Variants in FUCA2 observed in about 807,000 individuals in gnomAD.
FUCA2 encodes the protein plasma alpha-L-fucosidase.
In FUCA2, 41 loss-of-function variants were observed where a neutral mutation model predicts 52.6. The ratio of observed to expected loss-of-function variants is 0.78; its 90% confidence interval spans 0.61 to 1.01. The LOEUF is 1.01. Ranked by LOEUF, FUCA2 falls within the 50% of genes least tolerant of loss-of-function variation. The pLI, the probability that FUCA2 is intolerant of heterozygous loss-of-function variation, is 0.00. For missense variants in FUCA2, 507 were observed against 569.5 expected (o/e 0.89, Z 1.12); for synonymous variants, 211 against 217.3 (o/e 0.97, Z 0.26).
At position 143,502,583 on chromosome 6, in the gene FUCA2, AT is replaced by A; in HGVS notation, c.753-19del. 1.3e-6 allele frequency: 2 copies of A among 1,595,276 alleles called. No individual in the cohort carries two copies. Among genetic ancestry groups the A allele is most frequent in the Non-Finnish European group, 8.5e-7 (1 of 1,171,472 alleles). ...GAACTGGGCTGAAATGAAACATACA[AT>A]TTTTTAAAACAAAAGGTATAAGCTT... On this transcript the variant is annotated intron_variant, in intron 3 of 6. Coordinates refer to ENST00000002165, the MANE Select transcript of FUCA2 (RefSeq NM_032020.5). The surrounding 1 kb of genome is among the most constrained non-coding windows in gnomAD (Gnocchi z 4.1).
Position 143,511,436 on chromosome 6 carries a change from G to C in FUCA2, c.199C>G (p.Pro67Ala), listed in dbSNP as rs1562667775. The change falls in exon 1 of 7, where the codon CCC becomes GCC. Residue 67 changes from proline (P) to alanine (A), a missense_variant. Pro to Ala is a conservative substitution (Grantham distance 27). Coordinates refer to ENST00000002165, the MANE Select transcript of FUCA2 (RefSeq NM_032020.5). The surrounding 1 kb of genome is among the most constrained non-coding windows in gnomAD (Gnocchi z 6.3). ...IFIHWGVFSV[P>A]SFGSEWFWWY... ...CAGAACCACTCGCTACCGAAGCTGGGCACGGAAAACACTCCCCAGTGGATG... is the reference window on the plus strand; with the variant it reads ...CAGAACCACTCGCTACCGAAGCTGGCCACGGAAAACACTCCCCAGTGGATG... 4 of 1,611,714 alleles carry C rather than the reference G, an allele frequency of 2.5e-6. No individual in the cohort carries two copies. The highest frequency in any genetic ancestry group is 3.4e-6 in the Non-Finnish European group (4 of 1,178,898).
In FUCA2 at chr6:143,503,783, T is replaced by C. The variant is rs1780562285; in HGVS notation, c.752+130A>G. 2 of 670,990 alleles carry C rather than the reference T, an allele frequency of 3.0e-6. No individual in the cohort carries two copies. Among genetic ancestry groups the C allele is most frequent in the African/African-American group, 1.8e-5 (1 of 55,248 alleles). 41.6% of individuals were successfully genotyped at this position (670,990 alleles called of 1,614,324 possible). ...TAGTGATATATCTAATAAGTATTATTTACAATGATTTTCTCCCCCCATACC... is the reference window on the plus strand; with the variant it reads ...TAGTGATATATCTAATAAGTATTATCTACAATGATTTTCTCCCCCCATACC... On this transcript the variant is annotated intron_variant, in intron 3 of 6. Transcript: ENST00000002165. This position sits in a 1 kb window ranked among gnomAD's most constrained non-coding sequence, Gnocchi z 4.8.
In FUCA2 at chr6:143,497,650, T is replaced by TA. The variant is rs1403737434; in HGVS notation, c.1155-154dup. 2.0e-5 allele frequency among the ~76,000 whole-genome samples: 3 copies of TA among 152,080 alleles called. No homozygotes were observed. The highest frequency in any genetic ancestry group is 7.2e-5 in the African/African-American group (3 of 41,412). On this transcript the variant is annotated intron_variant, in intron 5 of 6. Transcript: ENST00000002165. This position sits in a 1 kb window ranked among gnomAD's most constrained non-coding sequence, Gnocchi z 5.3. Reference sequence around the variant, plus strand: ...AAGGAAAAATAGCCTCATGGTGGTATAAAAAAACACCTTCCTCCCCCAAGA... The same window carrying TA: ...AAGGAAAAATAGCCTCATGGTGGTATAAAAAAAACACCTTCCTCCCCCAAGA...
rs376770369 is a variant in FUCA2 at position 143,502,812 on chromosome 6, T to C, written c.753-247A>G. The C allele has an allele frequency of 9.3e-4, 389 of 418,646 alleles. 1 individual carries two copies. Among genetic ancestry groups the C allele is most frequent in the African/African-American group, 6.8e-3 (346 of 50,562 alleles). 25.9% of individuals were successfully genotyped at this position (418,646 alleles called of 1,614,324 possible). On this transcript the variant is annotated intron_variant, in intron 3 of 6. Transcript: ENST00000002165. The surrounding 1 kb of genome is among the most constrained non-coding windows in gnomAD (Gnocchi z 4.1). ...TCTGAATAATGAATTTCCTCATCTATGATTAGAACAAAAATAAGTTATGTA... is the reference window on the plus strand; with the variant it reads ...TCTGAATAATGAATTTCCTCATCTACGATTAGAACAAAAATAAGTTATGTA...
At position 143,503,797 on chromosome 6, in the gene FUCA2, T is replaced by TC. The variant is rs1013828555; in HGVS notation, c.752+115dup. On this transcript the variant is annotated intron_variant, in intron 3 of 6. Transcript: ENST00000002165. This position sits in a 1 kb window ranked among gnomAD's most constrained non-coding sequence, Gnocchi z 4.8. ...ATAAGTATTATTTACAATGATTTTC[T>TC]CCCCCCATACCACCAATGACTTAAA... 6.2e-5 allele frequency: 45 copies of TC among 731,576 alleles called. No individual in the cohort carries two copies. The highest frequency in any genetic ancestry group is 7.1e-5 in the Non-Finnish European group (32 of 453,456). 45.3% of individuals were successfully genotyped at this position (731,576 alleles called of 1,614,324 possible). A position where few individuals can be genotyped will look rare whatever the true frequency, so the allele number is the denominator to read the frequency against.
In FUCA2 at chr6:143,497,454, G is replaced by C. The variant is rs758965632; in HGVS notation, c.1198C>G (p.Leu400Val). ...PKEKLVYAIF[L>V]KWPTSGQLFL... ...AGCTGTCCTGATGTGGGCCATTTAAGAAAAATGGCATAGACTAATTTTTCT... is the reference window on the plus strand; with the variant it reads ...AGCTGTCCTGATGTGGGCCATTTAACAAAAATGGCATAGACTAATTTTTCT... Residue 400 changes from leucine (L) to valine (V), a missense_variant, in exon 6 of 7, where the codon CTT becomes GTT. By Grantham distance (32) the Leu-to-Val change is conservative. Transcript: ENST00000002165. The surrounding 1 kb of genome is among the most constrained non-coding windows in gnomAD (Gnocchi z 5.3). 5.0e-6 allele frequency: 8 copies of C among 1,613,576 alleles called. No homozygotes were observed. The African/African-American group carries it at 1.1e-4, about 22-fold the overall frequency.
At position 143,497,602 on chromosome 6, in the gene FUCA2, C is replaced by A; in HGVS notation, c.1155-105G>T. On this transcript the variant is annotated intron_variant, in intron 5 of 6. Coordinates refer to ENST00000002165, the MANE Select transcript of FUCA2 (RefSeq NM_032020.5). The surrounding 1 kb of genome is among the most constrained non-coding windows in gnomAD (Gnocchi z 5.3). ...TGGAATTATTTTACAGATACTTCCACAATGTCACCACTAATAGAAGGGAAG... is the reference window on the plus strand; with the variant it reads ...TGGAATTATTTTACAGATACTTCCAAAATGTCACCACTAATAGAAGGGAAG... The A allele has an allele frequency of 1.6e-6, 1 of 619,184 alleles. No individual in the cohort carries two copies. Among genetic ancestry groups the A allele is most frequent in the Non-Finnish European group, 2.8e-6 (1 of 356,558 alleles). The allele number at this position is 619,184 out of a possible 1,614,324, so 38.4% of individuals were successfully genotyped here.
Position 143,507,462 on chromosome 6 carries a change from T to C in FUCA2, c.225-38A>G. The C allele has an allele frequency of 7.0e-7, 1 of 1,419,144 alleles. No homozygotes were observed. The highest frequency in any genetic ancestry group is 9.5e-7 in the Non-Finnish European group (1 of 1,053,740). 87.9% of individuals were successfully genotyped at this position (1,419,144 alleles called of 1,614,324 possible). On this transcript the variant is annotated intron_variant, in intron 1 of 6. Transcript: ENST00000002165. This position sits in a 1 kb window ranked among gnomAD's most constrained non-coding sequence, Gnocchi z 4.5. ...AAGGAAAGAGTGCATAAACAGCACA[T>C]ACACACATATTTAAAAGAACTGCTC...
rs1412140445 is a variant in FUCA2, at chr6:143,502,698, T to A, written c.753-133A>T. On this transcript the variant is annotated intron_variant, in intron 3 of 6. Coordinates refer to ENST00000002165, the MANE Select transcript of FUCA2 (RefSeq NM_032020.5). The surrounding 1 kb of genome is among the most constrained non-coding windows in gnomAD (Gnocchi z 4.1). ...ATGGCATAGTACAGTGGAAAGCCCA[T>A]GGTTTTGAAGTCAAACAGACCTGAG... 5.2e-6 allele frequency: 4 copies of A among 774,192 alleles called. No homozygotes were observed. Among genetic ancestry groups the A allele is most frequent in the Non-Finnish European group, 8.0e-6 (4 of 500,018 alleles). 48.0% of individuals were successfully genotyped at this position (774,192 alleles called of 1,614,324 possible). A position where few individuals can be genotyped will look rare whatever the true frequency, so the allele number is the denominator to read the frequency against.
At position 143,503,441 on chromosome 6, in the gene FUCA2, T is replaced by C. The variant is rs1321527043; in HGVS notation, c.752+472A>G. 6.4e-6 allele frequency: 1 copy of C among 156,718 alleles called. No homozygotes were observed. Among genetic ancestry groups the C allele is most frequent in the Non-Finnish European group, 1.4e-5 (1 of 71,222 alleles). The allele number at this position is 156,718 out of a possible 1,614,324, so 9.7% of individuals were successfully genotyped here. On this transcript the variant is annotated intron_variant, in intron 3 of 6. Transcript: ENST00000002165. This position sits in a 1 kb window ranked among gnomAD's most constrained non-coding sequence, Gnocchi z 4.8. Reference sequence around the variant, plus strand: ...AGCAATAGGAAAAAACTGGAGAAAGTGAAAAGGCTGCGATGAAGGAAAAGA... The same window carrying C: ...AGCAATAGGAAAAAACTGGAGAAAGCGAAAAGGCTGCGATGAAGGAAAAGA...
Position 143,509,030 on chromosome 6 carries a change from C to T in FUCA2, c.225-1606G>A, listed in dbSNP as rs958902922. Among the ~76,000 whole-genome samples, 9 of 152,002 alleles carry T rather than the reference C, an allele frequency of 5.9e-5. No homozygotes were observed. The highest frequency in any genetic ancestry group is 4.6e-4 in the Admixed American group (7 of 15,262). On this transcript the variant is annotated intron_variant, in intron 1 of 6. Transcript: ENST00000002165. The surrounding 1 kb of genome is among the most constrained non-coding windows in gnomAD (Gnocchi z 5.4). ...TCACCCTCCTGAGTATCTGGGACTA[C>T]GGGCATTACATTTTAAATTGAACTG...
chr6:143,507,624 T>C lies in FUCA2; in HGVS notation c.225-200A>G, dbSNP rs1021716320. ...TCATTTTCCACCTATCCCCCTGTGA[T>C]ATCCACTCAGCTCATAAACTAGAGC... is the stretch of plus-strand genomic sequence containing the variant. On this transcript the variant is annotated intron_variant, in intron 1 of 6. Coordinates refer to ENST00000002165, the MANE Select transcript of FUCA2 (RefSeq NM_032020.5). This position sits in a 1 kb window ranked among gnomAD's most constrained non-coding sequence, Gnocchi z 4.5. Among the ~76,000 whole-genome samples, 2 of 152,128 alleles carry C rather than the reference T, an allele frequency of 1.3e-5. No individual in the cohort carries two copies. The highest frequency in any genetic ancestry group is 4.8e-5 in the African/African-American group (2 of 41,426).
In FUCA2 at chr6:143,510,951, C is replaced by A. The variant is rs182654986; in HGVS notation, c.224+460G>T. Among the ~76,000 whole-genome samples, 21 of 152,262 alleles carry A rather than the reference C, an allele frequency of 1.4e-4. No individual in the cohort carries two copies. The highest frequency in any genetic ancestry group is 1.2e-3 in the Admixed American group (18 of 15,300). On this transcript the variant is annotated intron_variant, in intron 1 of 6. Transcript: ENST00000002165. The surrounding 1 kb of genome is among the most constrained non-coding windows in gnomAD (Gnocchi z 4.4). The stretch of plus-strand genomic sequence containing the variant: ...TAAGTAGCCAATGGTGTTCAATGAA[C>A]AGTCGTTTCACATACTCATGACTAT...
chr6:143,508,751 A>G lies in FUCA2; in HGVS notation c.225-1327T>C, dbSNP rs139332772. On this transcript the variant is annotated intron_variant, in intron 1 of 6. Coordinates refer to ENST00000002165, the MANE Select transcript of FUCA2 (RefSeq NM_032020.5). ...CAAGTCCCCAGGCTGAGGATGAAAGAAAGAGCCCGTGTCTTTGATTTCATC... is the reference window on the plus strand; with the variant it reads ...CAAGTCCCCAGGCTGAGGATGAAAGGAAGAGCCCGTGTCTTTGATTTCATC... 3.6e-3 allele frequency among the ~76,000 whole-genome samples: 555 copies of G among 152,388 alleles called. 5 individuals carry two copies. The highest frequency in any genetic ancestry group is 0.014 in the Middle Eastern group (4 of 294).
rs1780434144 is a variant in FUCA2, at chr6:143,494,881, T to A, written c.*826A>T. The A allele has an allele frequency of 1.3e-5, 2 of 152,218 alleles. No individual in the cohort carries two copies. Among genetic ancestry groups the A allele is most frequent in the African/African-American group, 4.8e-5 (2 of 41,458 alleles). 9.4% of individuals were successfully genotyped at this position (152,218 alleles called of 1,614,324 possible). On this transcript the variant is annotated 3_prime_UTR_variant, in exon 7 of 7. Coordinates refer to ENST00000002165, the MANE Select transcript of FUCA2 (RefSeq NM_032020.5). The surrounding 1 kb of genome is among the most constrained non-coding windows in gnomAD (Gnocchi z 6.6). ...AAAAGAGCCAAAAAGGTTTTAAAAA[T>A]TAAAACGTTTGTAAAGTTACAGTAC...
chr6:143,495,241 A>G lies in FUCA2; in HGVS notation c.*466T>C, dbSNP rs1780440516. On this transcript the variant is annotated 3_prime_UTR_variant, in exon 7 of 7. Transcript: ENST00000002165. The surrounding 1 kb of genome is among the most constrained non-coding windows in gnomAD (Gnocchi z 5.2). ...CTAGGAGCAACAGTCTATACCATAC[A>G]CATTAGGTGTGTAGTAGGCTATGCC... is the stretch of plus-strand genomic sequence containing the variant. 6.3e-6 allele frequency: 1 copy of G among 157,784 alleles called. No homozygotes were observed. The highest frequency in any genetic ancestry group is 2.4e-5 in the African/African-American group (1 of 41,528). 9.8% of individuals were successfully genotyped at this position (157,784 alleles called of 1,614,324 possible).
rs546664734 is a variant in FUCA2, at chr6:143,497,348, T to C, written c.1263+41A>G. The C allele has an allele frequency of 1.6e-6, 2 of 1,238,500 alleles. No homozygotes were observed. The highest frequency in any genetic ancestry group is 1.5e-5 in the African/African-American group (1 of 67,502). The allele number at this position is 1,238,500 out of a possible 1,614,324, so 76.7% of individuals were successfully genotyped here. A position where few individuals can be genotyped will look rare whatever the true frequency, so the allele number is the denominator to read the frequency against. On this transcript the variant is annotated intron_variant, in intron 6 of 6. Coordinates refer to ENST00000002165, the MANE Select transcript of FUCA2 (RefSeq NM_032020.5). This position sits in a 1 kb window ranked among gnomAD's most constrained non-coding sequence, Gnocchi z 5.3. ...AGTTAATGTTTGCATCAAGATGTTC[T>C]AATCAGCAATTTAAAGGAATAAGGT... is the stretch of plus-strand genomic sequence containing the variant.
chr6:143,498,601 G>T (rs1159758411), intron 5 of FUCA2, among the ~76,000 whole-genome samples: 1 of 152,166 alleles, frequency 6.6e-6, no homozygotes, highest in Non-Finnish European at 1.5e-5. Flanking sequence ...AAGGCAGAGT[G>T]CCTGAAGGAG....
rs1780674041 is a variant in FUCA2 at position 143,510,917 on chromosome 6, T to C, written c.224+494A>G. Among the ~76,000 whole-genome samples, 1 of 152,134 alleles carries C rather than the reference T, an allele frequency of 6.6e-6. No individual in the cohort carries two copies. ...TTCCTAGAGCCACACATGGGTAACA[T>C]GTTAACATTAAGTAGCCAATGGTGT... is the stretch of plus-strand genomic sequence containing the variant. On this transcript the variant is annotated intron_variant, in intron 1 of 6. Coordinates refer to ENST00000002165, the MANE Select transcript of FUCA2 (RefSeq NM_032020.5). The surrounding 1 kb of genome is among the most constrained non-coding windows in gnomAD (Gnocchi z 4.4).
Sources: gnomAD v4.1 joint callset for allele counts (sites outside exome capture counted in the v4.1 genomes callset) on GRCh38, gnomAD v4.1.1 for gene constraint, Gnocchi (gnomAD v3.1) non-coding constraint, MANE v1.5 for transcripts, NCBI Gene and HGNC (gene_info 2026-07-23, HGNC 2026-07-21) for gene names.